HTR4: variants seen among roughly 807,000 people sequenced by gnomAD.
HTR4 encodes the protein 5-hydroxytryptamine receptor 4.
HTR4 carries 16 observed loss-of-function variants against 36.8 expected under a neutral mutation model. The ratio of observed to expected loss-of-function variants is 0.43; its 90% confidence interval spans 0.29 to 0.66. The LOEUF (loss-of-function observed/expected upper bound fraction) is 0.66. HTR4 is among the 30% of genes least tolerant of loss of function. The pLI, the probability that HTR4 is intolerant of heterozygous loss-of-function variation, is 0.13. For missense variants in HTR4, 438 were observed against 490.9 expected (o/e 0.89, Z 1.02); for synonymous variants, 189 against 185.1 (o/e 1.02, Z -0.17).
intron 4 of HTR4, among the ~76,000 whole-genome samples, chr5:148,547,562 A>AAAATAAAT (rs71274359): frequency 0.021 from 2,909 of 138,830 alleles, 46 homozygotes; most frequent in Non-Finnish European, 0.034. Context: ...AAAATAAAAT[A>AAAATAAAT]AAATAAATAA....
intron 4 of HTR4, among the ~76,000 whole-genome samples, chr5:148,544,914 G>A (rs1759314317): frequency 6.6e-6 from 1 of 152,218 alleles, no homozygotes; most frequent in Non-Finnish European, 1.5e-5. Flanking sequence ...AAGACTTGTA[G>A]CAGCTCTAGA....
At chr5:148,476,195 A>G (rs1755689008), downstream of HTR4, among the ~76,000 whole-genome samples, 1 of 152,232 alleles carries the variant, frequency 6.6e-6, no homozygotes. Flanking sequence ...GGCTCAGTTC[A>G]TGCTTCATTT....
At chr5:148,568,371 G>A (rs545311819) in intron 2 of HTR4, among the ~76,000 whole-genome samples, 1 of 151,752 alleles carries the variant, frequency 6.6e-6, no homozygotes, top group African/African-American at 2.4e-5. Flanking sequence ...GTATACATAG[G>A]GTCTGATAAT....
Position 148,483,756 on chromosome 5 carries a change from C to G in HTR4, c.1077-463G>C, listed in dbSNP as rs866030479. Among the ~76,000 whole-genome samples, 6 of 152,274 alleles carry G rather than the reference C, an allele frequency of 3.9e-5. No individual in the cohort carries two copies. In the Middle Eastern group the frequency reaches 0.014, roughly 345 times the overall value. On this transcript the variant is annotated intron_variant, in intron 6 of 6. Coordinates refer to ENST00000377888, the MANE Select transcript of HTR4 (RefSeq NM_000870.7). Reference sequence around the variant, plus strand: ...TTTTCGCAGGGAGCCTGACTTACATCATGTGCTTTTCATCATCAATTGGGT... The same window carrying G: ...TTTTCGCAGGGAGCCTGACTTACATGATGTGCTTTTCATCATCAATTGGGT...
At chr5:148,494,037 T>G (rs1756573652) in intron 6 of HTR4, among the ~76,000 whole-genome samples, 1 of 152,210 alleles carries the variant, frequency 6.6e-6, no homozygotes, top group African/African-American at 2.4e-5. Flanking sequence ...GTAAAAATCT[T>G]CCAATTCACA....
intron 5 of HTR4, among the ~76,000 whole-genome samples, chr5:148,512,656 C>T (rs922813714): frequency 1.2e-4 from 19 of 152,202 alleles, no homozygotes; most frequent in East Asian, 3.9e-4. Flanking sequence ...ACTGGCCGGG[C>T]GCGGTGACTT....
chr5:148,623,898 C>T (rs991804635), intron 2 of HTR4, among the ~76,000 whole-genome samples: 2 of 152,252 alleles, frequency 1.3e-5, no homozygotes, highest in Non-Finnish European at 2.9e-5. Flanking sequence ...CAAAGAGAAA[C>T]AGAAAGGTTA....
chr5:148,580,305 A>G (rs1428920570), intron 2 of HTR4, among the ~76,000 whole-genome samples: 1 of 152,074 alleles, frequency 6.6e-6, no homozygotes, highest in Non-Finnish European at 1.5e-5. Context: ...TCTCTACATA[A>G]TTAATGTATA....
intron 1 of HTR4, among the ~76,000 whole-genome samples, chr5:148,644,202 C>A (rs536925672): frequency 2.0e-5 from 3 of 152,258 alleles, no homozygotes; most frequent in East Asian, 3.9e-4. Context: ...TGGTTCACAT[C>A]CCCCGGGGAA....
intron 5 of HTR4, chr5:148,461,996 A>G (rs963660128): frequency 6.6e-6 from 1 of 152,064 alleles, no homozygotes; most frequent in Non-Finnish European, 1.5e-5. Flanking sequence ...ATTCAGCAAC[A>G]CACTTCTAAA....
At chr5:148,456,665 C>T (rs908379928) in intron 5 of HTR4, among the ~76,000 whole-genome samples, 3 of 152,110 alleles carry the variant, frequency 2.0e-5, no homozygotes, top group South Asian at 2.1e-4. Context: ...GTAAGTAAGA[C>T]GAGATTCAGA....
At chr5:148,575,611 A>G (rs1034328552) in intron 2 of HTR4, among the ~76,000 whole-genome samples, 1 of 152,090 alleles carries the variant, frequency 6.6e-6, no homozygotes, top group Non-Finnish European at 1.5e-5. Context: ...CCAAGATGAC[A>G]TTATTATTTA....
intron 2 of HTR4, among the ~76,000 whole-genome samples, chr5:148,561,477 T>C (rs187122059): frequency 4.3e-4 from 65 of 152,350 alleles, no homozygotes; most frequent in African/African-American, 1.5e-3. Context: ...GCTAGTCAAT[T>C]AGACCTCAGA....
intron 5 of HTR4, among the ~76,000 whole-genome samples, chr5:148,465,090 T>TAAACA (rs1708118561): frequency 6.6e-6 from 1 of 152,072 alleles, no homozygotes; most frequent in Non-Finnish European, 1.5e-5. Context: ...GAGGAAGAGA[T>TAAACA]AAACACGCAG....
At chr5:148,455,675 T>G (rs774267235) in intron 5 of HTR4, among the ~76,000 whole-genome samples, 2 of 152,194 alleles carry the variant, frequency 1.3e-5, no homozygotes, top group South Asian at 4.1e-4. Flanking sequence ...TGATCCCCTG[T>G]GCAGTTGAAA....
intron 2 of HTR4, among the ~76,000 whole-genome samples, chr5:148,567,533 CAGGATATA>C (rs1561624188): frequency 1.3e-5 from 2 of 151,974 alleles, no homozygotes; most frequent in Non-Finnish European, 2.9e-5. Context: ...TAGAATATAC[CAGGATATA>C]AGGAACCTGG....
chr5:148,531,282 C>T (rs1452221095), intron 4 of HTR4, among the ~76,000 whole-genome samples: 2 of 152,094 alleles, frequency 1.3e-5, no homozygotes, highest in Admixed American at 6.5e-5. Context: ...CCACAGTTCC[C>T]ATGTGTTGTG....
chr5:148,511,616 AGTTTGTGTGTGT>A (rs1561588014), intron 5 of HTR4, among the ~76,000 whole-genome samples: 1 of 115,340 alleles, frequency 8.7e-6, no homozygotes, highest in African/African-American at 4.3e-5. Context: ...TTCTTGTGGA[AGTTTGTGTGTGT>A]GTGTGTGTGT....
At chr5:148,629,718 A>G (rs1267801275) in intron 2 of HTR4, 1 of 152,194 alleles carries the variant, frequency 6.6e-6, no homozygotes, top group Non-Finnish European at 1.5e-5. Context: ...GCTTATATTA[A>G]TGCCGTCACA....
Sources: gnomAD v4.1 joint callset for allele counts (sites outside exome capture counted in the v4.1 genomes callset) on GRCh38, gnomAD v4.1.1 for gene constraint, MANE v1.5 for transcripts, NCBI Gene and HGNC (gene_info 2026-07-23, HGNC 2026-07-21) for gene names.